GDAP1: variants seen among roughly 807,000 people sequenced by gnomAD.
The protein encoded by GDAP1 is ganglioside induced differentiation associated protein 1.
Under a neutral mutation model 40.1 loss-of-function variants are expected in GDAP1, and 34 were observed. That is an observed-to-expected ratio of 0.85 (90% CI 0.64 to 1.13). The LOEUF (loss-of-function observed/expected upper bound fraction) is 1.13. Among genes scored for constraint, GDAP1 ranks in the 50% most tolerant of loss-of-function variants. The pLI is 0.00. For synonymous variants in GDAP1, 170 were observed against 157.4 expected (o/e 1.08, Z -0.60); for missense variants, 374 against 433.7 (o/e 0.86, Z 1.22).
intron 2 of GDAP1, among the ~76,000 whole-genome samples, chr8:74,400,895 G>C (rs1332198535): frequency 6.7e-6 from 1 of 149,544 alleles, no homozygotes; most frequent in Non-Finnish European, 1.5e-5. Context: ...CTCTCTTCTG[G>C]CTTATAGGGT....
At chr8:74,391,849 G>A (rs747999998) in intron 2 of GDAP1, among the ~76,000 whole-genome samples, 8 of 151,858 alleles carry the variant, frequency 5.3e-5, no homozygotes, top group Middle Eastern at 3.4e-3. Context: ...GCAGAATTTC[G>A]CTCTTGTTGC....
intron 2 of GDAP1, among the ~76,000 whole-genome samples, chr8:74,478,002 C>A (rs572984795): frequency 6.6e-6 from 1 of 152,006 alleles, no homozygotes; most frequent in Admixed American, 6.6e-5. Flanking sequence ...GTATCCTATG[C>A]GCACATTCGA....
Position 74,364,082 on chromosome 8 carries a change from A to G in GDAP1, c.792A>G (p.Ala264=), listed in dbSNP as rs1420027353. 1 of 1,614,160 alleles carries G rather than the reference A, an allele frequency of 6.2e-7. No individual in the cohort carries two copies. Among genetic ancestry groups the G allele is most frequent in the East Asian group, 2.2e-5 (1 of 44,880 alleles). The part of the protein sequence containing the change: ...TLHRLKFLGF[A]RRNWGNGKRP... ...ATCGACTGAAGTTCCTGGGGTTTGC[A>G]AGGAGAAACTGGGGAAACGGAAAGC... The change falls in exon 6 of 6, where the codon GCA becomes GCG. Residue 264 remains alanine, a synonymous_variant. Transcript: ENST00000220822.
intron 2 of GDAP1, among the ~76,000 whole-genome samples, chr8:74,483,361 T>C (rs1275730622): frequency 6.6e-6 from 1 of 152,112 alleles, no homozygotes; most frequent in Non-Finnish European, 1.5e-5. Flanking sequence ...CACAGACTAT[T>C]AGGTTGGTGC....
chr8:74,479,035 C>T lies in GDAP1; in HGVS notation c.166-9643C>T, dbSNP rs141121996. Among the ~76,000 whole-genome samples, 205 of 152,262 alleles carry T rather than the reference C, an allele frequency of 1.3e-3. 1 individual carries two copies. The highest frequency in any genetic ancestry group is 4.6e-3 in the African/African-American group (193 of 41,548). On this transcript the variant is annotated intron_variant, in intron 2 of 2. Transcript: ENST00000523640. ...ATCTGCTGGGAGTGCACCAGTCTTT[C>T]TGATGTCGTGGTCCCTTAGTGGAAG... is the stretch of plus-strand genomic sequence containing the variant.
At position 74,410,149 on chromosome 8, in the gene GDAP1, CTT is replaced by C. The variant is rs1361013397; in HGVS notation, c.165+58829_165+58830del. On this transcript the variant is annotated intron_variant, in intron 2 of 2. Transcript: ENST00000523640. ...CATATGACCTAAGTTCCACCTGTCTCTTGAATCAGTTAAATGAAGTCACCATG... is the reference window on the plus strand; with the variant it reads ...CATATGACCTAAGTTCCACCTGTCTCGAATCAGTTAAATGAAGTCACCATG... Among the ~76,000 whole-genome samples the C allele has an allele frequency of 1.1e-4, 17 of 150,226 alleles. No homozygotes were observed. The East Asian group carries it at 2.9e-3, about 26-fold the overall frequency.
intron 2 of GDAP1, among the ~76,000 whole-genome samples, chr8:74,482,102 A>C: frequency 8.9e-6 from 1 of 112,740 alleles, no homozygotes; most frequent in South Asian, 3.5e-4. Flanking sequence ...CTCAAACCAA[A>C]CTGAAGGGTT....
At chr8:74,376,316 C>T (rs180723156) in intron 2 of GDAP1, among the ~76,000 whole-genome samples, 2 of 149,702 alleles carry the variant, frequency 1.3e-5, no homozygotes, top group East Asian at 3.9e-4. Context: ...ATAGCTAAAA[C>T]TATTTTGAGA....
chr8:74,446,532 T>A (rs1412055842), intron 2 of GDAP1, among the ~76,000 whole-genome samples: 1 of 152,170 alleles, frequency 6.6e-6, no homozygotes, highest in Non-Finnish European at 1.5e-5. Flanking sequence ...ATACAAAGCC[T>A]CTGAAATTGA....
chr8:74,442,413 G>A lies in GDAP1; in HGVS notation c.166-46265G>A, dbSNP rs112267522. On this transcript the variant is annotated intron_variant, in intron 2 of 2. Transcript: ENST00000523640. ...CTCAGTAGCCTGATATTGAACTTCC[G>A]ACACTTTTTTTGTTCATTGTGTTTT... 7.2e-5 allele frequency among the ~76,000 whole-genome samples: 11 copies of A among 152,232 alleles called. 1 individual carries two copies. The highest frequency in any genetic ancestry group is 1.7e-4 in the African/African-American group (7 of 41,550).
intron 2 of GDAP1, among the ~76,000 whole-genome samples, chr8:74,440,267 A>G (rs1316641734): frequency 1.3e-5 from 2 of 152,174 alleles, no homozygotes; most frequent in African/African-American, 2.4e-5. Context: ...GCACATGAAT[A>G]GTGTAAATTT....
chr8:74,418,992 C>T (rs893801878), intron 2 of GDAP1, among the ~76,000 whole-genome samples: 9 of 152,044 alleles, frequency 5.9e-5, no homozygotes, highest in Admixed American at 2.0e-4. Flanking sequence ...AACAGCAAAA[C>T]GTTTATTGGA....
At chr8:74,465,441 T>C (rs1039685774) in intron 2 of GDAP1, among the ~76,000 whole-genome samples, 18 of 152,098 alleles carry the variant, frequency 1.2e-4, no homozygotes, top group African/African-American at 4.3e-4. Flanking sequence ...TCCCTTCCCT[T>C]CCACCTCCAC....
chr8:74,454,514 T>C (rs1239443091), intron 2 of GDAP1, among the ~76,000 whole-genome samples: 1 of 83,612 alleles, frequency 1.2e-5, no homozygotes, highest in East Asian at 3.5e-4. Context: ...AGATCGCATA[T>C]GAAACTGACC....
At chr8:74,406,493 T>C (rs1466655304) in intron 2 of GDAP1, among the ~76,000 whole-genome samples, 1 of 150,314 alleles carries the variant, frequency 6.7e-6, no homozygotes, top group Non-Finnish European at 1.5e-5. Flanking sequence ...CAGCTCTGCC[T>C]GGATGAACAG....
intron 4 of GDAP1, among the ~76,000 whole-genome samples, chr8:74,362,207 A>G (rs1289850391): frequency 6.6e-6 from 1 of 152,198 alleles, no homozygotes; most frequent in Admixed American, 6.5e-5. Context: ...CTGGTTGCCA[A>G]AAAAGTTATG....
intron 2 of GDAP1, among the ~76,000 whole-genome samples, chr8:74,416,243 C>G (rs1290465320): frequency 2.7e-5 from 4 of 150,002 alleles, no homozygotes; most frequent in Non-Finnish European, 4.4e-5. Context: ...TGCCCCTCCA[C>G]CTGCCCTGGT....
chr8:74,481,164 C>T (rs529081620), intron 2 of GDAP1, among the ~76,000 whole-genome samples: 51 of 152,300 alleles, frequency 3.3e-4, no homozygotes, highest in African/African-American at 1.2e-3. Context: ...ACATTGAAAT[C>T]AGAATGCCTG....
chr8:74,437,133 G>A (rs1806102834), intron 2 of GDAP1, among the ~76,000 whole-genome samples: 1 of 152,186 alleles, frequency 6.6e-6, no homozygotes, highest in Non-Finnish European at 1.5e-5. Flanking sequence ...ATACGTTCAT[G>A]CCTCGAGTTT....
Sources: gnomAD v4.1 joint callset for allele counts (sites outside exome capture counted in the v4.1 genomes callset) on GRCh38, gnomAD v4.1.1 for gene constraint, MANE v1.5 for transcripts, NCBI Gene and HGNC (gene_info 2026-07-23, HGNC 2026-07-21) for gene names.